Variants in NDE1 observed in about 807,000 individuals in gnomAD.
The protein encoded by NDE1 is nudE neurodevelopment protein 1.
In NDE1, 28 loss-of-function variants were observed where a neutral mutation model predicts 43.4. That is an observed-to-expected ratio of 0.65 (90% CI 0.48 to 0.89). The LOEUF is 0.89. NDE1 is among the 40% of genes least tolerant of loss of function. NDE1 has a pLI of 0.00. For missense variants in NDE1, 441 were observed against 434.1 expected (o/e 1.02, Z -0.14); for synonymous variants, 184 against 172.0 (o/e 1.07, Z -0.55).
At chr16:15,712,775 C>T (rs373780018) in intron 8 of NDE1, 6 of 146,432 alleles carry the variant, frequency 4.1e-5, no homozygotes, top group East Asian at 2.1e-4. Flanking sequence ...GACTGCGTCA[C>T]GTGCTGCTGC....
chr16:15,717,258 C>G (rs2040207437), intron 8 of NDE1: 7 of 1,614,120 alleles, frequency 4.3e-6, no homozygotes, highest in Non-Finnish European at 5.9e-6. Flanking sequence ...CTCCGGAGCT[C>G]CTTGTTCTGC....
rs181936313 is a variant in NDE1, at chr16:15,694,630, G to A, written c.795+374G>A. 5.1e-5 allele frequency: 50 copies of A among 985,344 alleles called. No homozygotes were observed. The African/African-American group carries it at 8.4e-4, about 16-fold the overall frequency. The allele number at this position is 985,344 out of a possible 1,614,324, so 61.0% of individuals were successfully genotyped here. ...CCCAAAGTTCTGGGATTACAGGCAT[G>A]AGCCAATGCGTCCAGCCCCTTTCAT... On this transcript the variant is annotated intron_variant, in intron 7 of 8. Transcript: ENST00000396354.
chr16:15,687,482 C>G lies in NDE1; in HGVS notation c.494C>G (p.Ser165Cys). The G allele has an allele frequency of 6.2e-7, 1 of 1,614,174 alleles. No homozygotes were observed. The highest frequency in any genetic ancestry group is 8.5e-7 in the Non-Finnish European group (1 of 1,180,034). ...ELDEKENLLE[S>C]VQRLKDEARD... Reference sequence around the variant, plus strand: ...GATGAAAAAGAGAATCTCCTGGAATCTGTTCAGAGACTGAAGGATGAAGCC... The same window carrying G: ...GATGAAAAAGAGAATCTCCTGGAATGTGTTCAGAGACTGAAGGATGAAGCC... Residue 165 changes from serine (S) to cysteine (C), a missense_variant, in exon 5 of 9, where the codon TCT (serine) becomes TGT (cysteine). By Grantham distance (112) the Ser-to-Cys change is moderately radical. Coordinates refer to ENST00000396354, the MANE Select transcript of NDE1 (RefSeq NM_017668.3).
chr16:15,667,308 C>T lies in NDE1; in HGVS notation c.106C>T (p.Leu36Phe), dbSNP rs754351654. 1.6e-5 allele frequency: 26 copies of T among 1,614,030 alleles called. No homozygotes were observed. The highest frequency in any genetic ancestry group is 2.1e-5 in the Non-Finnish European group (25 of 1,180,032). Residue 36 changes from leucine to phenylalanine, a missense_variant, in exon 3 of 9, where the codon CTC becomes TTC. Leu to Phe is a conservative substitution (Grantham distance 22, BLOSUM62 0). Coordinates refer to ENST00000396354, the MANE Select transcript of NDE1 (RefSeq NM_017668.3). ...TAGGGCAGAAAATACGCAAGAGGAA[C>T]TCCGAGAATTCCAGGAGGGAAGCCG... ...KQRAENTQEE[L>F]REFQEGSREY...
At chr16:15,644,786 A>G (rs2036281391) in intron 1 of NDE1, among the ~76,000 whole-genome samples, 1 of 152,168 alleles carries the variant, frequency 6.6e-6, no homozygotes, top group East Asian at 1.9e-4. Context: ...ATTTCAGTTG[A>G]GTATGTTTCA....
intron 1 of NDE1, among the ~76,000 whole-genome samples, chr16:15,654,428 C>T (rs1481852473): frequency 2.6e-5 from 4 of 151,526 alleles, no homozygotes; most frequent in East Asian, 2.0e-4. Flanking sequence ...GGCGAAACCC[C>T]GTCTCTCCTA....
chr16:15,658,917 A>G (rs1011778607), intron 1 of NDE1, among the ~76,000 whole-genome samples: 1 of 152,138 alleles, frequency 6.6e-6, no homozygotes, highest in Non-Finnish European at 1.5e-5. Context: ...TCAGCTTCCC[A>G]AAGTGTTGAG....
rs36112475 is a variant in NDE1 at position 15,659,748 on chromosome 16, C to CT, written c.-43-4970dup. ...CACTGCGCCCGGCCTTGGACACAATCTTTTTTTTTTTTTTTTTTGAGACGG... is the reference window on the plus strand; with the variant it reads ...CACTGCGCCCGGCCTTGGACACAATCTTTTTTTTTTTTTTTTTTTGAGACGG... On this transcript the variant is annotated intron_variant, in intron 1 of 8. Coordinates refer to ENST00000396354, the MANE Select transcript of NDE1 (RefSeq NM_017668.3). 3.6e-3 allele frequency among the ~76,000 whole-genome samples: 359 copies of CT among 98,968 alleles called. 3 individuals are homozygous for CT. Among genetic ancestry groups the CT allele is most frequent in the South Asian group, 6.5e-3 (20 of 3,086 alleles). The allele number at this position is 98,968 out of a possible 152,430, so 64.9% of individuals were successfully genotyped here. A position where few individuals can be genotyped will look rare whatever the true frequency, so the allele number is the denominator to read the frequency against.
intron 8 of NDE1, chr16:15,719,312 G>T (rs762269040): frequency 4.3e-6 from 7 of 1,610,098 alleles, no homozygotes; most frequent in Admixed American, 1.7e-5. Context: ...CGAGGTCCTA[G>T]GTGGGAGGGA....
chr16:15,688,548 G>C (rs952519699), intron 5 of NDE1, among the ~76,000 whole-genome samples: 1 of 147,058 alleles, frequency 6.8e-6, no homozygotes, highest in African/African-American at 2.5e-5. Context: ...CACGAGAATT[G>C]CTTGAACCTG....
rs752989217 is a variant in NDE1, at chr16:15,696,749, A to C, written c.836A>C (p.Tyr279Ser). The C allele has an allele frequency of 8.7e-6, 14 of 1,614,220 alleles. No homozygotes were observed. The highest frequency in any genetic ancestry group is 1.2e-5 in the Non-Finnish European group (14 of 1,180,030). Residue 279 changes from tyrosine (Y) to serine (S), a missense_variant, in exon 8 of 9, where the codon TAC becomes TCC. Transcript: ENST00000396354. ...SKLASCRNLVYDQSPNRTGGP... is the reference protein window; with the variant it reads ...SKLASCRNLVSDQSPNRTGGP... ...CTCGCTTCCTGCCGGAACCTCGTGT[A>C]CGATCAGTCCCCAAACCGAACAGGT...
At chr16:15,710,096 C>G (rs182152447) in intron 8 of NDE1, among the ~76,000 whole-genome samples, 2 of 152,340 alleles carry the variant, frequency 1.3e-5, no homozygotes, top group East Asian at 3.9e-4. Flanking sequence ...GACAGACCTT[C>G]CACCTGCATT....
chr16:15,679,326 T>C (rs1311807347), intron 4 of NDE1, among the ~76,000 whole-genome samples: 2 of 152,122 alleles, frequency 1.3e-5, no homozygotes, highest in African/African-American at 4.8e-5. Flanking sequence ...TGCCTCATTC[T>C]TTTTCTCCTG....
At chr16:15,687,330 G>A (rs1312146266) in intron 4 of NDE1, 45 bp from the exon 5 acceptor site, 3 of 1,613,486 alleles carry the variant, frequency 1.9e-6, no homozygotes, top group African/African-American at 2.7e-5. Flanking sequence ...CTGGAGGGAT[G>A]CTGCGGTTTG....
In NDE1 at chr16:15,696,827, C is replaced by CA. The variant is rs758201347; in HGVS notation, c.916dup (p.Ser306LysfsTer9). On this transcript the variant is annotated frameshift_variant, in exon 8 of 9. Transcript: ENST00000396354. LOFTEE classifies it high-confidence loss of function. ...AACAGAGATGGCGGGGAGAGACGGC[C>CA]AAGCAGCACCAGCGTGCCTTTGGGT... The CA allele has an allele frequency of 6.2e-7, 1 of 1,614,084 alleles. No individual in the cohort carries two copies. The highest frequency in any genetic ancestry group is 8.5e-7 in the Non-Finnish European group (1 of 1,180,046).
In NDE1 at chr16:15,687,366, C is replaced by G; in HGVS notation, c.387-9C>G. 3.1e-6 allele frequency: 5 copies of G among 1,614,076 alleles called. No individual in the cohort carries two copies. Among genetic ancestry groups the G allele is most frequent in the Non-Finnish European group, 4.2e-6 (5 of 1,180,006 alleles). ...TCCTCTTGGATAACTCTGCTTTTCT[C>G]TTCGCCAGCGCCACGATCATGTCTC... On this transcript the variant is annotated splice_polypyrimidine_tract_variant and intron_variant, in intron 4 of 8. Transcript: ENST00000396354.
At chr16:15,655,224 C>T (rs1425277016) in intron 1 of NDE1, among the ~76,000 whole-genome samples, 2 of 152,060 alleles carry the variant, frequency 1.3e-5, no homozygotes, top group East Asian at 3.9e-4. Context: ...CACCATGTTG[C>T]CCAGGCTGGT....
intron 5 of NDE1, among the ~76,000 whole-genome samples, chr16:15,689,008 T>A (rs1014869492): frequency 6.6e-6 from 1 of 152,118 alleles, no homozygotes; most frequent in Non-Finnish European, 1.5e-5. Context: ...CAATTAATTA[T>A]TTATAACGTC....
intron 8 of NDE1, chr16:15,703,188 TA>T (rs1383634581): frequency 4.9e-6 from 1 of 202,214 alleles, no homozygotes; most frequent in African/African-American, 2.3e-5. Flanking sequence ...AGTCAGGGTG[TA>T]AACAGTGCAG....
Sources: allele counts gnomAD v4.1 joint callset (sites outside exome capture counted in the v4.1 genomes callset), GRCh38; gene constraint gnomAD v4.1.1; transcripts MANE v1.5; gene names NCBI Gene and HGNC (gene_info 2026-07-23, HGNC 2026-07-21).